The following B3GALT1 variants were observed in gnomAD, a reference collection of about 807,000 sequenced individuals.
B3GALT1 encodes the protein beta-1,3-galactosyltransferase 1.
In B3GALT1, 10 loss-of-function variants were observed where a neutral mutation model predicts 23.2. The observed-to-expected ratio is 0.43, with a 90% CI of 0.27 to 0.73. B3GALT1 has a LOEUF of 0.73. Among genes scored for constraint, B3GALT1 ranks in the 30% least tolerant of loss-of-function variants. The probability of loss-of-function intolerance (pLI) is 0.21; values close to 1 mark genes in which losing one functional copy is unlikely to be tolerated. For synonymous variants in B3GALT1, 156 were observed against 141.5 expected, an observed-to-expected ratio of 1.10 and a Z score of -0.73; for missense variants, 299 against 405.4, an observed-to-expected ratio of 0.74 and a Z score of 2.25.
chr2:167,417,880 A>T (rs1467195670), intron 1 of B3GALT1, among the ~76,000 whole-genome samples: 1 of 152,204 alleles, frequency 6.6e-6, no homozygotes, highest in African/African-American at 2.4e-5. Context: ...GCAGATCTTG[A>T]TCTGGTAAGC....
chr2:167,453,324 CT>C (rs1230593944), intron 1 of B3GALT1, among the ~76,000 whole-genome samples: 4 of 152,208 alleles, frequency 2.6e-5, no homozygotes, highest in Non-Finnish European at 5.9e-5. Flanking sequence ...GTAATCCCAC[CT>C]CTGTTCTTTT....
In B3GALT1 at chr2:167,797,950, C is replaced by T. The variant is rs189304871; in HGVS notation, c.-351-20722C>T. On this transcript the variant is annotated intron_variant, in intron 3 of 4. Coordinates refer to ENST00000392690, the MANE Select transcript of B3GALT1 (RefSeq NM_020981.4). Reference sequence around the variant, plus strand: ...CAATCTCCTGACCTCATGATCCACCCGCCTTGGCCTCCCAAAATGCTGGTA... The same window carrying T: ...CAATCTCCTGACCTCATGATCCACCTGCCTTGGCCTCCCAAAATGCTGGTA... Among the ~76,000 whole-genome samples the T allele has an allele frequency of 1.5e-3, 224 of 152,276 alleles. 1 individual carries two copies. The highest frequency in any genetic ancestry group is 4.7e-3 in the African/African-American group (195 of 41,566).
intron 2 of B3GALT1, among the ~76,000 whole-genome samples, chr2:167,645,372 G>A (rs1685730489): frequency 6.6e-6 from 1 of 152,060 alleles, no homozygotes; most frequent in East Asian, 1.9e-4. Context: ...GGAGGAGCAG[G>A]GTGATGCAGA....
At chr2:167,822,045 C>T (rs1026652948) in intron 4 of B3GALT1, among the ~76,000 whole-genome samples, 4 of 152,186 alleles carry the variant, frequency 2.6e-5, no homozygotes, top group Non-Finnish European at 1.5e-5. Flanking sequence ...GAGGAAGCAG[C>T]TCAGAGAAGT....
Position 167,393,103 on chromosome 2 carries a change from G to A in B3GALT1, c.-510-97074G>A, listed in dbSNP as rs1172833921. 2.0e-5 allele frequency among the ~76,000 whole-genome samples: 3 copies of A among 152,118 alleles called. No homozygotes were observed. In the East Asian group the frequency reaches 5.8e-4, roughly 29 times the overall value. ...CAAAAAATTAGCCAGACGTGGTGGT[G>A]GGTGCCTGTAGTCCCAGCTGCTTGG... On this transcript the variant is annotated intron_variant, in intron 1 of 4. Transcript: ENST00000392690.
At chr2:167,399,293 C>G (rs538802671) in intron 1 of B3GALT1, among the ~76,000 whole-genome samples, 6 of 152,080 alleles carry the variant, frequency 3.9e-5, no homozygotes, top group Non-Finnish European at 5.9e-5. Context: ...AGAATGCATG[C>G]ACTGTGTTAT....
intron 1 of B3GALT1, among the ~76,000 whole-genome samples, chr2:167,367,346 T>A (rs1697604134): frequency 6.6e-6 from 1 of 152,202 alleles, no homozygotes; most frequent in Non-Finnish European, 1.5e-5. Context: ...CTCAACTAGA[T>A]CTTTCCAGTG....
chr2:167,863,230 T>G (rs1270752637), intron 4 of B3GALT1, among the ~76,000 whole-genome samples: 1 of 152,148 alleles, frequency 6.6e-6, no homozygotes, highest in African/African-American at 2.4e-5. Context: ...ACAGATTTCT[T>G]AAGCAGAAAA....
chr2:167,450,316 T>C (rs1699068164), intron 1 of B3GALT1, among the ~76,000 whole-genome samples: 1 of 152,140 alleles, frequency 6.6e-6, no homozygotes, highest in Non-Finnish European at 1.5e-5. Flanking sequence ...CCTGGTTTAA[T>C]CTTGGAGGGT....
At chr2:167,552,801 A>G (rs1683772788) in intron 2 of B3GALT1, among the ~76,000 whole-genome samples, 1 of 152,198 alleles carries the variant, frequency 6.6e-6, no homozygotes, top group African/African-American at 2.4e-5. Flanking sequence ...ACCAGTGTGC[A>G]TGACTACAAA....
intron 3 of B3GALT1, among the ~76,000 whole-genome samples, chr2:167,679,461 T>C (rs1686490535): frequency 6.6e-6 from 1 of 152,046 alleles, no homozygotes; most frequent in African/African-American, 2.4e-5. Flanking sequence ...TCCATGTTGG[T>C]CAGGCTGGCC....
intron 3 of B3GALT1, among the ~76,000 whole-genome samples, chr2:167,659,756 A>G (rs533312990): frequency 5.9e-4 from 90 of 152,108 alleles, no homozygotes; most frequent in African/African-American, 2.1e-3. Context: ...GGGAGACACT[A>G]ATGTAGCTGA....
chr2:167,495,402 C>T (rs1185879793), intron 2 of B3GALT1, among the ~76,000 whole-genome samples: 1 of 140,664 alleles, frequency 7.1e-6, no homozygotes, highest in African/African-American at 2.7e-5. Flanking sequence ...GTCACAATCT[C>T]AGCTCACTGC....
intron 1 of B3GALT1, among the ~76,000 whole-genome samples, chr2:167,427,104 A>G (rs1698633341): frequency 6.6e-6 from 1 of 152,208 alleles, no homozygotes; most frequent in African/African-American, 2.4e-5. Context: ...GGGACACACA[A>G]TATGATTTAA....
chr2:167,401,473 TC>T (rs1160972773), intron 1 of B3GALT1, among the ~76,000 whole-genome samples: 1 of 152,116 alleles, frequency 6.6e-6, no homozygotes, highest in Non-Finnish European at 1.5e-5. Flanking sequence ...GCCAGACTTC[TC>T]CTGAGCTCCC....
intron 4 of B3GALT1, among the ~76,000 whole-genome samples, chr2:167,822,617 G>A (rs947631337): frequency 1.3e-5 from 2 of 152,094 alleles, no homozygotes; most frequent in African/African-American, 2.4e-5. Flanking sequence ...CCAAGGCACA[G>A]GCATACATTT....
chr2:167,725,072 A>G (rs917271883), intron 3 of B3GALT1, among the ~76,000 whole-genome samples: 11 of 152,230 alleles, frequency 7.2e-5, no homozygotes, highest in African/African-American at 2.7e-4. Flanking sequence ...AGAGGTTCCT[A>G]TAATACAAAT....
intron 1 of B3GALT1, among the ~76,000 whole-genome samples, chr2:167,488,220 C>A (rs1178947057): frequency 6.6e-6 from 1 of 152,180 alleles, no homozygotes; most frequent in Non-Finnish European, 1.5e-5. Context: ...ATTTTCAGCA[C>A]ACATTGGCTT....
At chr2:167,325,023 C>A (rs1191073297) in intron 1 of B3GALT1, among the ~76,000 whole-genome samples, 2 of 152,190 alleles carry the variant, frequency 1.3e-5, no homozygotes, top group East Asian at 3.9e-4. Context: ...ATCTCTAGTT[C>A]CATACATGTT....
Sources: allele counts gnomAD v4.1 joint callset (sites outside exome capture counted in the v4.1 genomes callset), GRCh38; gene constraint gnomAD v4.1.1; transcripts MANE v1.5; gene names NCBI Gene and HGNC (gene_info 2026-07-23, HGNC 2026-07-21).